The following TIAM1 variants were observed in gnomAD, a reference collection of about 807,000 sequenced individuals.
The protein encoded by TIAM1 is rho guanine nucleotide exchange factor TIAM1.
In TIAM1, 65 loss-of-function variants were observed where a neutral mutation model predicts 163.5. The ratio of observed to expected loss-of-function variants is 0.40; its 90% confidence interval spans 0.33 to 0.49. The LOEUF is 0.49. Ranked by LOEUF, TIAM1 falls within the 20% of genes least tolerant of loss-of-function variation. The probability of loss-of-function intolerance (pLI) is 0.77; values close to 1 mark genes in which losing one functional copy is unlikely to be tolerated. For missense variants in TIAM1, 1,789 were observed against 2,044.7 expected (o/e 0.87, Z 2.41); for synonymous variants, 833 against 810.1 (o/e 1.03, Z -0.48).
At chr21:31,425,617 C>T (rs1455917980) in intron 2 of TIAM1, among the ~76,000 whole-genome samples, 17 of 93,348 alleles carry the variant, frequency 1.8e-4, no homozygotes, top group Middle Eastern at 5.5e-3. Context: ...TATTTCAATT[C>T]CCTCCCTCCC....
At chr21:31,464,582 C>G (rs2045453678) in intron 1 of TIAM1, among the ~76,000 whole-genome samples, 1 of 152,002 alleles carries the variant, frequency 6.6e-6, no homozygotes, top group African/African-American at 2.4e-5. Flanking sequence ...GTGGCTCACG[C>G]CTGTAATCCT....
chr21:31,528,880 T>A, intron 1 of TIAM1, among the ~76,000 whole-genome samples: 1 of 151,218 alleles, frequency 6.6e-6, no homozygotes, highest in Non-Finnish European at 1.5e-5. Flanking sequence ...TCATATCCTT[T>A]CAGGAAACTG....
intron 15 of TIAM1, among the ~76,000 whole-genome samples, chr21:31,179,853 T>G (rs1337007042): frequency 6.6e-6 from 1 of 152,170 alleles, no homozygotes; most frequent in Non-Finnish European, 1.5e-5. Flanking sequence ...TAAATGTATT[T>G]TAATAGATTT....
At chr21:31,366,488 C>T (rs1265224369) in intron 2 of TIAM1, among the ~76,000 whole-genome samples, 1 of 152,232 alleles carries the variant, frequency 6.6e-6, no homozygotes, top group African/African-American at 2.4e-5. Context: ...CCATCTCTCC[C>T]TCCAGGCCAT....
chr21:31,201,332 A>C (rs1262461951), intron 12 of TIAM1, among the ~76,000 whole-genome samples: 1 of 152,220 alleles, frequency 6.6e-6, no homozygotes, highest in African/African-American at 2.4e-5. Context: ...AAATGTACTG[A>C]ACACAGAACA....
intron 2 of TIAM1, among the ~76,000 whole-genome samples, chr21:31,306,223 G>A (rs2074705542): frequency 6.6e-6 from 1 of 152,036 alleles, no homozygotes; most frequent in Non-Finnish European, 1.5e-5. Context: ...GTTTGAGGCT[G>A]TGGTGAGTTC....
intron 1 of TIAM1, among the ~76,000 whole-genome samples, chr21:31,504,964 C>T (rs549819850): frequency 6.6e-6 from 1 of 152,302 alleles, no homozygotes; most frequent in East Asian, 1.9e-4. Context: ...TTAGCAAGTA[C>T]CTTCAACAAA....
intron 2 of TIAM1, among the ~76,000 whole-genome samples, chr21:31,459,160 C>T (rs148678618): frequency 1.3e-5 from 2 of 152,296 alleles, no homozygotes; most frequent in East Asian, 3.9e-4. Flanking sequence ...TGTTCTGTCA[C>T]CCAGGCTGAC....
intron 8 of TIAM1, among the ~76,000 whole-genome samples, chr21:31,221,116 A>T (rs1441787514): frequency 6.6e-6 from 1 of 152,228 alleles, no homozygotes; most frequent in African/African-American, 2.4e-5. Context: ...AAAAAATCCC[A>T]GGGGTCAAAT....
In TIAM1 at chr21:31,297,166, A is replaced by G. The variant is rs187966285; in HGVS notation, c.-188-20258T>C. 4.5e-4 allele frequency among the ~76,000 whole-genome samples: 68 copies of G among 152,372 alleles called. 1 individual carries two copies. In the East Asian group the frequency reaches 0.012, roughly 27 times the overall value. ...TAAAACTCAATTACAATTTCACATT[A>G]TATAAAATTAGAGGGTATACTTGAA... On this transcript the variant is annotated intron_variant, in intron 2 of 27. Coordinates refer to ENST00000541036, the MANE Select transcript of TIAM1 (RefSeq NM_001353694.2).
At chr21:31,459,822 A>G (rs145323689) in intron 2 of TIAM1, among the ~76,000 whole-genome samples, 1 of 152,232 alleles carries the variant, frequency 6.6e-6, no homozygotes, top group East Asian at 1.9e-4. Flanking sequence ...ACTCTCTCTC[A>G]TATTTTATTT....
intron 2 of TIAM1, among the ~76,000 whole-genome samples, chr21:31,309,062 G>T (rs954098523): frequency 6.6e-6 from 1 of 152,124 alleles, no homozygotes; most frequent in Non-Finnish European, 1.5e-5. Flanking sequence ...ACGATATACC[G>T]ATCAATTCTG....
chr21:31,504,226 G>A (rs1376261947), intron 1 of TIAM1, among the ~76,000 whole-genome samples: 1 of 152,190 alleles, frequency 6.6e-6, no homozygotes, highest in Non-Finnish European at 1.5e-5. Context: ...GGCCTACAAT[G>A]AACAACAGCC....
At chr21:31,152,960 TA>T in intron 18 of TIAM1, 105 bp downstream of exon 18, 1 of 1,350,208 alleles carries the variant, frequency 7.4e-7, no homozygotes. Context: ...TACAATTAAA[TA>T]AATTTAAAAT....
chr21:31,394,170 C>G (rs2077012706), intron 2 of TIAM1, among the ~76,000 whole-genome samples: 3 of 152,100 alleles, frequency 2.0e-5, no homozygotes, highest in Non-Finnish European at 4.4e-5. Context: ...TTATCCGGCA[C>G]TGAGAAGAAA....
In TIAM1 at chr21:31,461,357, G is replaced by T. The variant is rs1252030542; in HGVS notation, c.-369+2626C>A. ...AAAATTAGCTGGGCGTGATGTGCAT[G>T]TCTGTAATCCCAGCTACTCAGGAGG... is the stretch of plus-strand genomic sequence containing the variant. On this transcript the variant is annotated intron_variant, in intron 2 of 28. Coordinates refer to the TIAM1 transcript ENST00000286827. Among the ~76,000 whole-genome samples, 3 of 152,180 alleles carry T rather than the reference G, an allele frequency of 2.0e-5. No homozygotes were observed. The East Asian group carries it at 5.8e-4, about 29-fold the overall frequency.
At chr21:31,512,826 T>TAGAGACGGGATTTCACCATGTTGCCC (rs1366765244) in intron 1 of TIAM1, among the ~76,000 whole-genome samples, 1 of 151,812 alleles carries the variant, frequency 6.6e-6, no homozygotes, top group Non-Finnish European at 1.5e-5. Flanking sequence ...GTATTTTTGG[T>TAGAGACGGGATTTCACCATGTTGCCC]AGAGACGGGA....
At chr21:31,468,927 C>G (rs6517039) in intron 1 of TIAM1, among the ~76,000 whole-genome samples, 1 of 151,252 alleles carries the variant, frequency 6.6e-6, no homozygotes, top group African/African-American at 2.4e-5. Context: ...GGATGACTGT[C>G]GGAAGAGGGT....
At chr21:31,549,150 T>G (rs2048598609) in intron 1 of TIAM1, among the ~76,000 whole-genome samples, 1 of 151,958 alleles carries the variant, frequency 6.6e-6, no homozygotes, top group East Asian at 1.9e-4. Flanking sequence ...AAAGTTTTGC[T>G]TTTTTTAAGT....
Sources: allele counts gnomAD v4.1 joint callset (sites outside exome capture counted in the v4.1 genomes callset), GRCh38; gene constraint gnomAD v4.1.1; transcripts MANE v1.5; gene names NCBI Gene and HGNC (gene_info 2026-07-23, HGNC 2026-07-21).